Variants in THSD7B observed in about 807,000 individuals in gnomAD.
THSD7B encodes the protein thrombospondin type-1 domain-containing protein 7B.
A neutral mutation model predicts 213.6 loss-of-function variants in THSD7B; 138 were observed. That is an observed-to-expected ratio of 0.65 (90% CI 0.56 to 0.74). The LOEUF (loss-of-function observed/expected upper bound fraction) is 0.74, where lower values mean the gene tolerates loss of function less well. Ranked by LOEUF, THSD7B falls within the 30% of genes least tolerant of loss-of-function variation. THSD7B has a pLI of 0.00. For missense variants in THSD7B, 1,931 were observed against 1,991.5 expected (o/e 0.97, Z 0.58); for synonymous variants, 742 against 687.0 (o/e 1.08, Z -1.25).
intron 12 of THSD7B, among the ~76,000 whole-genome samples, chr2:137,395,195 C>G (rs1686145717): frequency 6.9e-6 from 1 of 145,132 alleles, no homozygotes. Context: ...ACTTCCAACA[C>G]TATGTTGAAT....
chr2:137,294,583 C>CAAAAAAAAAAAAAAAAAAAAAA (rs1210363889), intron 12 of THSD7B, among the ~76,000 whole-genome samples: 17 of 73,218 alleles, frequency 2.3e-4, no homozygotes, highest in African/African-American at 6.9e-4. Context: ...AACTCCATCT[C>CAAAAAAAAAAAAAAAAAAAAAA]AAAAAAAAAA....
At chr2:137,085,987 C>T (rs1027645464) in intron 3 of THSD7B, among the ~76,000 whole-genome samples, 3 of 152,158 alleles carry the variant, frequency 2.0e-5, no homozygotes, top group African/African-American at 7.2e-5. Context: ...TTGTCAACAT[C>T]TATGTACATA....
chr2:137,373,624 A>G (rs1201113040), intron 12 of THSD7B, among the ~76,000 whole-genome samples: 1 of 152,180 alleles, frequency 6.6e-6, no homozygotes, highest in African/African-American at 2.4e-5. Context: ...GTAGGTTGCA[A>G]AAATTTTCTC....
rs777353589 is a variant in THSD7B at position 136,807,509 on chromosome 2, G to GTTTTTTTTTTTTTTTTTTT, written c.-36+41838_-36+41839insTTTTTTTTTTTTTTTTTTT. The stretch of plus-strand genomic sequence containing the variant: ...ACTTCCTAGCACTACAAAATGTTTC[G>GTTTTTTTTTTTTTTTTTTT]TTTTTTTTTTTTTTTTGAGACGGAG... On this transcript the variant is annotated intron_variant, in intron 1 of 27. Transcript: ENST00000409968. Among the ~76,000 whole-genome samples the GTTTTTTTTTTTTTTTTTTT allele has an allele frequency of 1.6e-4, 17 of 104,886 alleles. 2 individuals carry two copies. The highest frequency in any genetic ancestry group is 4.4e-4 in the African/African-American group (12 of 27,058). The allele number at this position is 104,886 out of a possible 152,430, so 68.8% of individuals were successfully genotyped here.
intron 2 of THSD7B, among the ~76,000 whole-genome samples, chr2:137,039,928 G>T (rs1686849936): frequency 6.6e-6 from 1 of 152,166 alleles, no homozygotes; most frequent in Non-Finnish European, 1.5e-5. Context: ...TCCACATGCT[G>T]TGCCCAGCTA....
chr2:137,170,809 G>T lies in THSD7B; in HGVS notation c.1594G>T (p.Val532Leu), dbSNP rs375376843. The T allele has an allele frequency of 1.2e-6, 2 of 1,613,760 alleles. No individual in the cohort carries two copies. The highest frequency in any genetic ancestry group is 3.3e-5 in the Admixed American group (2 of 60,004). The change falls in exon 7 of 28, where the codon GTG (valine) becomes TTG (leucine). Residue 532 changes from valine (V) to leucine (L), a missense_variant. By Grantham distance (32) the Val-to-Leu change is conservative (BLOSUM62 1). Coordinates refer to ENST00000409968, the MANE Select transcript of THSD7B (RefSeq NM_001316349.2). ...GCCTGCAGGGCATTGCCCTCATTTG[G>T]TGGAGTCTGTTCCTTGTGAGGATCC... is the stretch of plus-strand genomic sequence containing the variant. ...TGPAGHCPHLVESVPCEDPMC... is the reference protein window; with the variant it reads ...TGPAGHCPHLLESVPCEDPMC...
At chr2:137,144,787 G>A (rs568826266) in intron 5 of THSD7B, among the ~76,000 whole-genome samples, 39 of 152,022 alleles carry the variant, frequency 2.6e-4, no homozygotes, top group Non-Finnish European at 4.7e-4. Flanking sequence ...ATGAATAGAT[G>A]TGAAGTATTG....
intron 12 of THSD7B, among the ~76,000 whole-genome samples, chr2:137,297,537 G>A (rs571938993): frequency 6.6e-6 from 1 of 151,868 alleles, no homozygotes; most frequent in East Asian, 1.9e-4. Context: ...GACAATTTCT[G>A]AATTTAAAAC....
At chr2:136,777,528 G>A (rs921037847) in intron 1 of THSD7B, among the ~76,000 whole-genome samples, 1 of 152,066 alleles carries the variant, frequency 6.6e-6, no homozygotes. Flanking sequence ...ACATTTTCCA[G>A]TCTCTATTTA....
chr2:136,783,730 T>C (rs1422326795), intron 1 of THSD7B, among the ~76,000 whole-genome samples: 1 of 152,124 alleles, frequency 6.6e-6, no homozygotes, highest in Non-Finnish European at 1.5e-5. Flanking sequence ...GGAATTGTAA[T>C]TTGCAGGAAT....
chr2:136,956,160 A>T (rs73957718), intron 2 of THSD7B, among the ~76,000 whole-genome samples: 11,301 of 152,250 alleles, frequency 0.074, 682 homozygotes, highest in African/African-American at 0.16. Context: ...CTGAATTATT[A>T]AACTGTGTAA....
At chr2:137,400,087 A>G (rs1314798535) in intron 12 of THSD7B, among the ~76,000 whole-genome samples, 1 of 151,970 alleles carries the variant, frequency 6.6e-6, no homozygotes, top group Non-Finnish European at 1.5e-5. Context: ...TTTTTCATTC[A>G]TATCCTAAAT....
chr2:136,857,455 A>G lies in THSD7B; in HGVS notation c.-35-24689A>G, dbSNP rs538369706. On this transcript the variant is annotated intron_variant, in intron 1 of 27. Coordinates refer to ENST00000409968, the MANE Select transcript of THSD7B (RefSeq NM_001316349.2). ...TTTATTCCCTAACTGCCAAAGTGTTAAAGCAGATGTTCTTTTACCAAGTCC... is the reference window on the plus strand; with the variant it reads ...TTTATTCCCTAACTGCCAAAGTGTTGAAGCAGATGTTCTTTTACCAAGTCC... Among the ~76,000 whole-genome samples the G allele has an allele frequency of 2.0e-5, 3 of 152,366 alleles. No homozygotes were observed. The South Asian group carries it at 6.2e-4, about 32-fold the overall frequency.
intron 12 of THSD7B, among the ~76,000 whole-genome samples, chr2:137,372,400 A>G (rs1244458614): frequency 2.2e-5 from 3 of 134,184 alleles, no homozygotes; most frequent in African/African-American, 8.2e-5. Context: ...ACCATGGCCC[A>G]TGACACAGCC....
At chr2:137,044,497 G>T (rs934095797) in intron 2 of THSD7B, among the ~76,000 whole-genome samples, 5 of 152,022 alleles carry the variant, frequency 3.3e-5, no homozygotes, top group Admixed American at 6.6e-5. Context: ...TTTGTTCCTG[G>T]GGGATATGTC....
At chr2:137,412,153 A>C (rs993545104) in intron 14 of THSD7B, among the ~76,000 whole-genome samples, 3 of 152,094 alleles carry the variant, frequency 2.0e-5, no homozygotes, top group Non-Finnish European at 4.4e-5. Context: ...CTGCTGCTCC[A>C]CTTCACTGAG....
At chr2:137,389,152 C>T (rs1685958097) in intron 12 of THSD7B, among the ~76,000 whole-genome samples, 1 of 146,196 alleles carries the variant, frequency 6.8e-6, no homozygotes, top group Non-Finnish European at 1.5e-5. Flanking sequence ...TATAAGAGCT[C>T]CCTCTTCTCT....
chr2:137,584,548 G>A (rs191162894), intron 17 of THSD7B, among the ~76,000 whole-genome samples: 102 of 152,250 alleles, frequency 6.7e-4, no homozygotes, highest in African/African-American at 2.1e-3. Context: ...AGCATGAAGG[G>A]CTGTTGAATT....
chr2:136,942,475 T>C (rs919261285), intron 2 of THSD7B, among the ~76,000 whole-genome samples: 5 of 152,330 alleles, frequency 3.3e-5, no homozygotes, highest in Non-Finnish European at 5.9e-5. Context: ...ATTCTTCCTA[T>C]CCATGAGCAT....
Sources: gnomAD v4.1 joint callset for allele counts (sites outside exome capture counted in the v4.1 genomes callset) on GRCh38, gnomAD v4.1.1 for gene constraint, MANE v1.5 for transcripts, NCBI Gene and HGNC (gene_info 2026-07-23, HGNC 2026-07-21) for gene names.